The following FAM117B variants were observed in gnomAD, a reference collection of about 807,000 sequenced individuals.
The protein encoded by FAM117B is protein FAM117B.
A neutral mutation model predicts 52.8 loss-of-function variants in FAM117B; 22 were observed. That is an observed-to-expected ratio of 0.42 (90% confidence interval 0.30 to 0.59). The LOEUF (loss-of-function observed/expected upper bound fraction) is 0.59, where lower values mean the gene tolerates loss of function less well. FAM117B is among the 20% of genes least tolerant of loss of function. The pLI is 0.22. For missense variants in FAM117B, 678 were observed against 802.6 expected (o/e 0.84, Z 1.88); for synonymous variants, 309 against 324.1 (o/e 0.95, Z 0.50).
At chr2:202,764,517 C>G (rs535444210) in intron 7 of FAM117B, among the ~76,000 whole-genome samples, 1 of 151,972 alleles carries the variant, frequency 6.6e-6, no homozygotes, top group East Asian at 1.9e-4. Context: ...TAAGCCTCCC[C>G]GCTCAGACTC....
intron 1 of FAM117B, among the ~76,000 whole-genome samples, chr2:202,690,515 G>C (rs531193885): frequency 6.6e-6 from 1 of 152,326 alleles, no homozygotes; most frequent in South Asian, 2.1e-4. Flanking sequence ...AACCTTTCCA[G>C]TGAACTATGA....
intron 1 of FAM117B, among the ~76,000 whole-genome samples, chr2:202,674,014 T>C (rs757646266): frequency 3.2e-4 from 49 of 152,188 alleles, no homozygotes; most frequent in Non-Finnish European, 6.3e-4. Flanking sequence ...ACCTGAAATG[T>C]TCCTCCCTGC....
intron 6 of FAM117B, 109 bp from the exon 7 acceptor site, chr2:202,759,124 T>C (rs1366352356): frequency 8.7e-7 from 1 of 1,152,818 alleles, no homozygotes; most frequent in African/African-American, 1.6e-5. Context: ...CCTTGATTAA[T>C]AAAGCACTGT....
At chr2:202,710,903 G>C (rs1398995950) in intron 2 of FAM117B, among the ~76,000 whole-genome samples, 1 of 151,820 alleles carries the variant, frequency 6.6e-6, no homozygotes, top group Admixed American at 6.6e-5. Flanking sequence ...TTTTGTTATG[G>C]CTGAATAGTA....
chr2:202,741,683 C>T (rs1459582530), intron 4 of FAM117B, among the ~76,000 whole-genome samples: 2 of 151,778 alleles, frequency 1.3e-5, no homozygotes, highest in African/African-American at 2.4e-5. Context: ...ACTACAGGCG[C>T]CCGCCACCTC....
chr2:202,691,675 G>A (rs1559103258), intron 1 of FAM117B, among the ~76,000 whole-genome samples: 2 of 150,168 alleles, frequency 1.3e-5, no homozygotes, highest in African/African-American at 4.9e-5. Flanking sequence ...GTGTGTGTGT[G>A]TGTGTGTGTG....
intron 1 of FAM117B, among the ~76,000 whole-genome samples, chr2:202,678,669 G>C (rs1690414868): frequency 6.6e-6 from 1 of 152,132 alleles, no homozygotes; most frequent in Non-Finnish European, 1.5e-5. Context: ...AAACAATTCT[G>C]CCTCAGCCTC....
intron 1 of FAM117B, among the ~76,000 whole-genome samples, chr2:202,642,632 A>C (rs1230361055): frequency 6.6e-6 from 1 of 152,156 alleles, no homozygotes; most frequent in Non-Finnish European, 1.5e-5. Context: ...CAGGAACTTC[A>C]GATAATTTTC....
At chr2:202,695,494 G>A (rs908027806) in intron 1 of FAM117B, among the ~76,000 whole-genome samples, 1 of 152,108 alleles carries the variant, frequency 6.6e-6, no homozygotes, top group Non-Finnish European at 1.5e-5. Context: ...CCTCTCAATC[G>A]TTGGATTGAC....
intron 4 of FAM117B, among the ~76,000 whole-genome samples, chr2:202,752,258 A>G (rs1420475675): frequency 1.3e-5 from 2 of 152,212 alleles, no homozygotes; most frequent in Admixed American, 6.5e-5. Flanking sequence ...GCCATGAGGT[A>G]GGTTTCTGTG....
intron 1 of FAM117B, among the ~76,000 whole-genome samples, chr2:202,640,870 C>A (rs188980696): frequency 3.9e-5 from 6 of 152,298 alleles, no homozygotes; most frequent in African/African-American, 9.6e-5. Context: ...CTCAGCCCCC[C>A]AAAGTGCTGG....
At chr2:202,718,856 C>G (rs756344866) in intron 2 of FAM117B, among the ~76,000 whole-genome samples, 11 of 152,130 alleles carry the variant, frequency 7.2e-5, no homozygotes, top group Non-Finnish European at 1.6e-4. Flanking sequence ...CCTCCCCTGT[C>G]CTTCAAATTC....
Position 202,635,049 on chromosome 2 carries a change from G to T in FAM117B, c.-139G>T. 1 of 1,137,236 alleles carries T rather than the reference G, an allele frequency of 8.8e-7. No individual in the cohort carries two copies. The highest frequency in any genetic ancestry group is 1.1e-6 in the Non-Finnish European group (1 of 900,802). 70.4% of individuals were successfully genotyped at this position (1,137,236 alleles called of 1,614,324 possible). On this transcript the variant is annotated 5_prime_UTR_variant, in exon 1 of 8. Transcript: ENST00000392238. ...ACCTCGTTGCTGCCTGCCCCGGCCCGGTCTCCCCCTGCACCCCGGAGTCCG... is the reference window on the plus strand; with the variant it reads ...ACCTCGTTGCTGCCTGCCCCGGCCCTGTCTCCCCCTGCACCCCGGAGTCCG...
intron 2 of FAM117B, among the ~76,000 whole-genome samples, chr2:202,714,542 T>C (rs1230266655): frequency 2.7e-5 from 4 of 145,866 alleles, no homozygotes; most frequent in East Asian, 1.9e-4. Flanking sequence ...TCTTTTTTTT[T>C]TTTTTTTTAT....
intron 4 of FAM117B, among the ~76,000 whole-genome samples, chr2:202,735,934 C>T (rs572425426): frequency 3.9e-4 from 59 of 152,206 alleles, no homozygotes; most frequent in African/African-American, 1.3e-3. Flanking sequence ...TCCCTACCCC[C>T]GAGGTAAGAA....
At chr2:202,710,534 C>A (rs998453588) in intron 2 of FAM117B, among the ~76,000 whole-genome samples, 5 of 152,126 alleles carry the variant, frequency 3.3e-5, no homozygotes, top group African/African-American at 1.2e-4. Flanking sequence ...TCTATCACCT[C>A]AAGCATTTAT....
intron 2 of FAM117B, among the ~76,000 whole-genome samples, chr2:202,698,219 A>G (rs941551303): frequency 2.0e-5 from 3 of 152,116 alleles, no homozygotes; most frequent in Non-Finnish European, 2.9e-5. Context: ...ATGGTTTTGG[A>G]TTTGTATATT....
chr2:202,652,002 G>A (rs955044674), intron 1 of FAM117B, among the ~76,000 whole-genome samples: 1 of 149,274 alleles, frequency 6.7e-6, no homozygotes, highest in Non-Finnish European at 1.5e-5. Flanking sequence ...GCAGTGAGCT[G>A]AGGTGGTGCC....
intron 2 of FAM117B, among the ~76,000 whole-genome samples, chr2:202,697,896 C>T (rs1310811419): frequency 6.6e-6 from 1 of 151,732 alleles, no homozygotes; most frequent in Non-Finnish European, 1.5e-5. Context: ...AGATAAGTTT[C>T]TCTCTGTTTC....
Sources: gnomAD v4.1 joint callset for allele counts (sites outside exome capture counted in the v4.1 genomes callset) on GRCh38, gnomAD v4.1.1 for gene constraint, MANE v1.5 for transcripts, NCBI Gene and HGNC (gene_info 2026-07-23, HGNC 2026-07-21) for gene names.